TLE4: variants seen among roughly 807,000 people sequenced by gnomAD.
TLE4 encodes transducin-like enhancer protein 4.
In TLE4, 8 loss-of-function variants were observed where a neutral mutation model predicts 92.8. The ratio of observed to expected loss-of-function variants is 0.09; its 90% confidence interval spans 0.05 to 0.16. TLE4 has a LOEUF of 0.16. Among genes scored for constraint, TLE4 ranks in the 10% least tolerant of loss-of-function variants. TLE4 has a pLI of 1.00. For synonymous variants in TLE4, 371 were observed against 374.1 expected (o/e 0.99, Z 0.10); for missense variants, 675 against 997.6 (o/e 0.68, Z 4.36).
intron 1 of TLE4, 32 bp downstream of exon 1, chr9:79,572,867 G>A (rs374576438): frequency 9.5e-6 from 15 of 1,583,050 alleles, no homozygotes; most frequent in Admixed American, 1.7e-5. Context: ...CGGGCTCGCC[G>A]GGTGCTGGGG....
At chr9:79,664,777 C>T (rs574557024) in intron 8 of TLE4, among the ~76,000 whole-genome samples, 21 of 152,266 alleles carry the variant, frequency 1.4e-4, no homozygotes, top group Middle Eastern at 3.4e-3. Context: ...ACTGTACAGA[C>T]TGTGTTCAGT....
At position 79,603,377 on chromosome 9, in the gene TLE4, C is replaced by G. The variant is rs1369551067; in HGVS notation, c.253-9279C>G. 2.6e-5 allele frequency among the ~76,000 whole-genome samples: 4 copies of G among 152,262 alleles called. No individual in the cohort carries two copies. The East Asian group carries it at 5.8e-4, about 22-fold the overall frequency. On this transcript the variant is annotated intron_variant, in intron 4 of 19. Coordinates refer to ENST00000376552, the MANE Select transcript of TLE4 (RefSeq NM_007005.6). ...GAAAATGTCATAGCCCTCCAACTTT[C>G]AGCAACCACCACCCTGATTAGCCAT...
At chr9:79,579,505 A>G (rs1587640728) in intron 4 of TLE4, among the ~76,000 whole-genome samples, 2 of 152,230 alleles carry the variant, frequency 1.3e-5, no homozygotes, top group Non-Finnish European at 2.9e-5. Context: ...GAGAACATCT[A>G]TGACTTCCTT....
chr9:79,703,374 C>T (rs2070516177), intron 8 of TLE4, among the ~76,000 whole-genome samples: 1 of 152,200 alleles, frequency 6.6e-6, no homozygotes. Flanking sequence ...CTCAGTCCAG[C>T]TCCCGCTCTC....
In TLE4 at chr9:79,720,298, G is replaced by T; in HGVS notation, c.1838+5G>T. ...GCACAACCAGACCTTGGTGAGGTAG[G>T]TTAGCAGGATCTGTTACCAGGTTGT... On this transcript the variant is annotated splice_donor_5th_base_variant and intron_variant, in intron 16 of 19. Transcript: ENST00000376552. The T allele has an allele frequency of 6.2e-7, 1 of 1,605,936 alleles. No homozygotes were observed. The highest frequency in any genetic ancestry group is 8.5e-7 in the Non-Finnish European group (1 of 1,174,078).
intron 8 of TLE4, among the ~76,000 whole-genome samples, chr9:79,673,917 G>A (rs1442913731): frequency 6.6e-6 from 1 of 152,046 alleles, no homozygotes; most frequent in Non-Finnish European, 1.5e-5. Flanking sequence ...TTCCTGGGGG[G>A]TGATTTTGTA....
At position 79,652,700 on chromosome 9, in the gene TLE4, T is replaced by C. The variant is rs1564660771; in HGVS notation, c.498T>C (p.Ser166=). The C allele has an allele frequency of 2.5e-6, 4 of 1,614,186 alleles. No homozygotes were observed. Among genetic ancestry groups the C allele is most frequent in the Middle Eastern group, 1.6e-4 (1 of 6,062 alleles). The change falls in exon 7 of 20, where the codon AGT becomes AGC. Residue 166 remains serine (S), a synonymous_variant. Coordinates refer to ENST00000376552, the MANE Select transcript of TLE4 (RefSeq NM_007005.6). ...QPPAIPPIGS[S]AGLLALSSAL... Reference sequence around the variant, plus strand: ...CTGCCATTCCACCCATCGGTAGCAGTGCCGGGCTTCTGGCCCTCTCCAGTG... The same window carrying C: ...CTGCCATTCCACCCATCGGTAGCAGCGCCGGGCTTCTGGCCCTCTCCAGTG...
At chr9:79,682,880 C>T (rs747318562) in intron 8 of TLE4, among the ~76,000 whole-genome samples, 21 of 152,118 alleles carry the variant, frequency 1.4e-4, no homozygotes, top group Admixed American at 3.3e-4. Flanking sequence ...TTGTTATGAT[C>T]GTTGTGGTGA....
At chr9:79,589,339 A>T (rs2041977961) in intron 4 of TLE4, among the ~76,000 whole-genome samples, 2 of 152,018 alleles carry the variant, frequency 1.3e-5, no homozygotes, top group African/African-American at 4.8e-5. Context: ...CTTTCCCATG[A>T]TGATAAGCAG....
intron 8 of TLE4, among the ~76,000 whole-genome samples, chr9:79,660,335 A>G (rs2060349869): frequency 6.6e-6 from 1 of 152,206 alleles, no homozygotes; most frequent in African/African-American, 2.4e-5. Flanking sequence ...TGAAATAAAA[A>G]TCTTATACCA....
intron 6 of TLE4, among the ~76,000 whole-genome samples, chr9:79,629,908 C>T (rs2053729760): frequency 6.6e-6 from 1 of 152,078 alleles, no homozygotes; most frequent in Non-Finnish European, 1.5e-5. Flanking sequence ...GTTCTCTGTC[C>T]CTTGAGCGTA....
chr9:79,697,044 A>G (rs1178687582), intron 8 of TLE4, among the ~76,000 whole-genome samples: 1 of 152,204 alleles, frequency 6.6e-6, no homozygotes, highest in Non-Finnish European at 1.5e-5. Context: ...TTTACAGGTC[A>G]TATACTGAAA....
At chr9:79,598,301 C>G (rs569203688) in intron 4 of TLE4, among the ~76,000 whole-genome samples, 1 of 151,814 alleles carries the variant, frequency 6.6e-6, no homozygotes, top group Non-Finnish European at 1.5e-5. Flanking sequence ...ATGCAATAGC[C>G]TCCTAACTGG....
intron 4 of TLE4, among the ~76,000 whole-genome samples, chr9:79,611,283 G>A (rs1415186127): frequency 6.6e-6 from 1 of 152,082 alleles, no homozygotes; most frequent in Non-Finnish European, 1.5e-5. Flanking sequence ...AATCAGGTCA[G>A]CACAGTTGGG....
intron 6 of TLE4, among the ~76,000 whole-genome samples, chr9:79,652,111 A>C (rs1301687162): frequency 7.4e-6 from 1 of 135,466 alleles, no homozygotes; most frequent in Non-Finnish European, 1.7e-5. Context: ...TATTGACTAC[A>C]CAGCTCATTT....
chr9:79,627,681 C>T (rs1054969618), intron 6 of TLE4: 12 of 497,000 alleles, frequency 2.4e-5, no homozygotes, highest in African/African-American at 2.0e-4. Context: ...TCTAAGGAGA[C>T]TGGATAGCTC....
intron 4 of TLE4, among the ~76,000 whole-genome samples, chr9:79,586,916 GACTACCCATCAACTCAAGC>G (rs2041252274): frequency 6.6e-6 from 1 of 152,096 alleles, no homozygotes; most frequent in Non-Finnish European, 1.5e-5. Flanking sequence ...CGGGTAAATG[GACTACCCATCAACTCAAGC>G]ATTTCCCTTT....
At chr9:79,721,696 A>G (rs1340543930) in intron 16 of TLE4, 45 bp from the exon 17 acceptor site, 1 of 1,612,500 alleles carries the variant, frequency 6.2e-7, no homozygotes, top group South Asian at 1.1e-5. Context: ...ATTTTAACTA[A>G]AAGCTAACTT....
At chr9:79,691,135 C>T (rs1008178928) in intron 8 of TLE4, among the ~76,000 whole-genome samples, 6 of 152,102 alleles carry the variant, frequency 3.9e-5, no homozygotes, top group African/African-American at 1.2e-4. Context: ...CCAGTCTAAA[C>T]CACCAGCATT....
Sources: allele counts gnomAD v4.1 joint callset (sites outside exome capture counted in the v4.1 genomes callset), GRCh38; gene constraint gnomAD v4.1.1; transcripts MANE v1.5; gene names NCBI Gene and HGNC (gene_info 2026-07-23, HGNC 2026-07-21).